The following SENP6 variants were observed in gnomAD, a reference collection of about 807,000 sequenced individuals.
SENP6 encodes sentrin-specific protease 6.
A neutral mutation model predicts 134.5 loss-of-function variants in SENP6; 41 were observed. The observed-to-expected ratio is 0.30, with a 90% CI of 0.24 to 0.40. The LOEUF (loss-of-function observed/expected upper bound fraction) is 0.40. SENP6 is among the 10% of genes least tolerant of loss of function. The pLI is 1.00. For synonymous variants in SENP6, 395 were observed against 429.8 expected (o/e 0.92, Z 1.00); for missense variants, 1,248 against 1,312.5 (o/e 0.95, Z 0.76).
intron 7 of SENP6, among the ~76,000 whole-genome samples, chr6:75,651,017 A>G (rs1039553641): frequency 6.6e-6 from 1 of 152,224 alleles, no homozygotes; most frequent in African/African-American, 2.4e-5. Context: ...ACTTACCAGC[A>G]TGATAAGCAG....
intron 16 of SENP6, among the ~76,000 whole-genome samples, chr6:75,691,494 A>G (rs6936085): frequency 0.27 from 41,566 of 152,204 alleles, 6,452 homozygotes; most frequent in Non-Finnish European, 0.37. Context: ...CCAGCATTCA[A>G]TATTTAAATG....
chr6:75,709,389 G>T (rs1775614922), intron 19 of SENP6, 138 bp from the exon 20 acceptor site: 3 of 529,724 alleles, frequency 5.7e-6, no homozygotes, highest in Non-Finnish European at 1.0e-5. Context: ...CTTTATGTTT[G>T]TGATATTACA....
intron 3 of SENP6, among the ~76,000 whole-genome samples, chr6:75,627,859 G>T (rs471638): frequency 0.31 from 47,092 of 151,662 alleles, 7,930 homozygotes; most frequent in African/African-American, 0.45. Context: ...TATATTTTTA[G>T]TAAGAGACGG....
In SENP6 at chr6:75,675,851, TTCC is replaced by T. The variant is rs747565183; in HGVS notation, c.1427-5_1427-3del. On this transcript the variant is annotated splice_polypyrimidine_tract_variant and splice_region_variant and intron_variant, in intron 12 of 23. Transcript: ENST00000447266. Reference sequence around the variant, plus strand: ...GAATTATTTTTCCATTTCATTTGTTTTCCTCCAGAACCAGACCATGATCCTGTA... The same window carrying T: ...GAATTATTTTTCCATTTCATTTGTTTTCCAGAACCAGACCATGATCCTGTA... The T allele has an allele frequency of 1.3e-4, 211 of 1,563,110 alleles. No homozygotes were observed. Among genetic ancestry groups the T allele is most frequent in the Non-Finnish European group, 1.7e-4 (197 of 1,161,124 alleles).
chr6:75,705,742 T>C (rs1455482646), intron 19 of SENP6, among the ~76,000 whole-genome samples: 1 of 151,030 alleles, frequency 6.6e-6, no homozygotes, highest in Admixed American at 6.6e-5. Flanking sequence ...TTTTTCTTCT[T>C]TTTTTTTAAC....
rs369219835 is a variant in SENP6, at chr6:75,676,025, A to G, written c.1592A>G (p.Asn531Ser). Reference sequence around the variant, plus strand: ...ATGAATAAGGAGGATAAAGTTTGGAATGATTGTAAAGGAGTAAATAAATTA... The same window carrying G: ...ATGAATAAGGAGGATAAAGTTTGGAGTGATTGTAAAGGAGTAAATAAATTA... ...LQMNKEDKVWNDCKGVNKLTN... is the reference protein window; with the variant it reads ...LQMNKEDKVWSDCKGVNKLTN... The change falls in exon 13 of 24, where the codon AAT becomes AGT. Residue 531 changes from asparagine to serine, a missense_variant. Physicochemically the swap from Asn to Ser is conservative, Grantham distance 46 (BLOSUM62 1). This residue lies in a region of SENP6 where 733 missense variants were observed against 725.4 expected (regional missense o/e 1.01). Coordinates refer to ENST00000447266, the MANE Select transcript of SENP6 (RefSeq NM_015571.4). 5.9e-5 allele frequency: 95 copies of G among 1,607,678 alleles called. No individual in the cohort carries two copies. The Middle Eastern group carries it at 1.8e-3, about 31-fold the overall frequency.
intron 19 of SENP6, among the ~76,000 whole-genome samples, chr6:75,707,423 G>C (rs1389250231): frequency 7.5e-6 from 1 of 133,044 alleles, no homozygotes; most frequent in African/African-American, 2.9e-5. Context: ...GAATGCAGTG[G>C]CACAATCACA....
At chr6:75,623,762 C>T in intron 2 of SENP6, 138 bp from the exon 3 acceptor site, 1 of 611,824 alleles carries the variant, frequency 1.6e-6, no homozygotes, top group Non-Finnish European at 2.8e-6. Flanking sequence ...ATATGGCCTG[C>T]AAAGACTGTG....
Position 75,644,738 on chromosome 6 carries a change from G to A in SENP6, c.480-2993G>A, listed in dbSNP as rs141546833. On this transcript the variant is annotated intron_variant, in intron 6 of 23. Transcript: ENST00000447266. ...GGCCTCAAGTGATCTGACGGCCTTG[G>A]CCTCCCAAAGTGTTGGGATTACAGG... is the stretch of plus-strand genomic sequence containing the variant. Among the ~76,000 whole-genome samples the A allele has an allele frequency of 1.2e-3, 184 of 152,308 alleles. 3 individuals are homozygous for A. In the East Asian group the frequency reaches 0.034, roughly 28 times the overall value.
At chr6:75,677,358 T>A (rs1387403916) in intron 14 of SENP6, 102 bp downstream of exon 14, 5 of 834,414 alleles carry the variant, frequency 6.0e-6, no homozygotes, top group African/African-American at 3.5e-5. Flanking sequence ...TAAATCTTTT[T>A]AATTTTATTT....
intron 19 of SENP6, among the ~76,000 whole-genome samples, chr6:75,704,515 T>C (rs747525786): frequency 5.9e-5 from 9 of 152,254 alleles, no homozygotes; most frequent in Non-Finnish European, 1.2e-4. Context: ...GTTTTTCTCC[T>C]ATCTCAGAAT....
intron 18 of SENP6, chr6:75,697,994 A>C (rs570368412): frequency 6.5e-6 from 1 of 153,228 alleles, no homozygotes; most frequent in Admixed American, 6.5e-5. Flanking sequence ...AGGTGTTTAA[A>C]GATTTGTATT....
intron 1 of SENP6, among the ~76,000 whole-genome samples, chr6:75,603,114 T>G (rs1766764456): frequency 6.6e-6 from 1 of 152,196 alleles, no homozygotes; most frequent in African/African-American, 2.4e-5. Flanking sequence ...GGAATGTGTT[T>G]TTATAAAAAT....
intron 10 of SENP6, 145 bp from the exon 11 acceptor site, chr6:75,670,402 GAATTTT>G (rs1355265158): frequency 9.8e-6 from 5 of 509,258 alleles, no homozygotes; most frequent in Admixed American, 3.2e-5. Flanking sequence ...TAAAAACCAT[GAATTTT>G]AATTTTATCT....
In SENP6 at chr6:75,702,950, A is replaced by G; in HGVS notation, c.2594A>G (p.Asn865Ser). 6.2e-7 allele frequency: 1 copy of G among 1,614,058 alleles called. No homozygotes were observed. Residue 865 changes from asparagine (N) to serine (S), a missense_variant, in exon 19 of 24, where the codon AAT becomes AGT. Physicochemically the swap from Asn to Ser is conservative, Grantham distance 46 (BLOSUM62 1). Coordinates refer to ENST00000447266, the MANE Select transcript of SENP6 (RefSeq NM_015571.4). ...CSVKYSVKKINHTASENEEFN... is the reference protein window; with the variant it reads ...CSVKYSVKKISHTASENEEFN... Reference sequence around the variant, plus strand: ...GTAAAATACAGTGTGAAAAAAATAAATCATACTGCGAGTGAAAATGAAGAA... The same window carrying G: ...GTAAAATACAGTGTGAAAAAAATAAGTCATACTGCGAGTGAAAATGAAGAA...
In SENP6 at chr6:75,684,113, A is replaced by G. The variant is rs148051354; in HGVS notation, c.2075+5186A>G. ...AATTGTCCTTGAAGAGGTCCTTCACATCCCTTGTAAGTTGGATTCCTAGGT... is the reference window on the plus strand; with the variant it reads ...AATTGTCCTTGAAGAGGTCCTTCACGTCCCTTGTAAGTTGGATTCCTAGGT... On this transcript the variant is annotated intron_variant, in intron 16 of 23. Transcript: ENST00000447266. Among the ~76,000 whole-genome samples, 1,070 of 152,242 alleles carry G rather than the reference A, an allele frequency of 7.0e-3. 10 individuals carry two copies. Among genetic ancestry groups the G allele is most frequent in the Middle Eastern group, 0.034 (10 of 294 alleles).
At chr6:75,674,220 A>G (rs1020775334) in intron 11 of SENP6, among the ~76,000 whole-genome samples, 3 of 146,604 alleles carry the variant, frequency 2.0e-5, no homozygotes, top group African/African-American at 7.7e-5. Flanking sequence ...TCAGTGCTGC[A>G]GTCATAGCTA....
At chr6:75,695,039 T>C (rs1447853250) in intron 16 of SENP6, among the ~76,000 whole-genome samples, 1 of 151,914 alleles carries the variant, frequency 6.6e-6, no homozygotes, top group Non-Finnish European at 1.5e-5. Context: ...CACACCCGGC[T>C]AAATTTTTGT....
At chr6:75,652,214 T>C (rs1252270902) in intron 7 of SENP6, among the ~76,000 whole-genome samples, 2 of 151,848 alleles carry the variant, frequency 1.3e-5, no homozygotes, top group African/African-American at 4.8e-5. Flanking sequence ...CTTAAATTTA[T>C]GGAGGACTTC....
Sources: allele counts gnomAD v4.1 joint callset (sites outside exome capture counted in the v4.1 genomes callset), GRCh38; gene constraint gnomAD v4.1.1; regional missense constraint gnomAD v4.1.1; transcripts MANE v1.5; gene names NCBI Gene and HGNC (gene_info 2026-07-23, HGNC 2026-07-21).